The following PDE2A variants were observed in gnomAD, a reference collection of about 807,000 sequenced individuals.
PDE2A encodes phosphodiesterase 2A, also known as cGMP-dependent 3',5'-cyclic phosphodiesterase.
Under a neutral mutation model 133.6 loss-of-function variants are expected in PDE2A, and 53 were observed. That is an observed-to-expected ratio of 0.40 (90% CI 0.32 to 0.50). The LOEUF is 0.50. Among genes scored for constraint, PDE2A ranks in the 20% least tolerant of loss-of-function variants. The pLI, the probability that PDE2A is intolerant of heterozygous loss-of-function variation, is 0.73. For synonymous variants in PDE2A, 491 were observed against 490.2 expected (o/e 1.00, Z -0.02); for missense variants, 796 against 1,232.4 (o/e 0.65, Z 5.30).
intron 1 of PDE2A, among the ~76,000 whole-genome samples, chr11:72,656,332 C>G (rs1032647863): frequency 2.6e-5 from 4 of 152,208 alleles, no homozygotes; most frequent in Non-Finnish European, 4.4e-5. Flanking sequence ...GGCCCAATAT[C>G]AGGCCCCAGG....
rs937039689 is a variant in PDE2A at position 72,625,815 on chromosome 11, C to T, written c.144+16439G>A. Among the ~76,000 whole-genome samples the T allele has an allele frequency of 2.0e-5, 3 of 152,244 alleles. No individual in the cohort carries two copies. The South Asian group carries it at 6.2e-4, about 31-fold the overall frequency. On this transcript the variant is annotated intron_variant, in intron 2 of 30. Transcript: ENST00000334456. ...CAAGGGCGCTGCCAAGCTCCCTCTC[C>T]TCCTGCCCCAGCCGGTCTGCAGGAA...
chr11:72,580,800 G>T, intron 24 of PDE2A, 86 bp downstream of exon 24: 1 of 1,008,678 alleles, frequency 9.9e-7, no homozygotes, highest in Non-Finnish European at 1.6e-6. Flanking sequence ...GGTCTCACTC[G>T]CTCCCACCCA....
intron 1 of PDE2A, among the ~76,000 whole-genome samples, chr11:72,659,706 G>A (rs1276183848): frequency 6.6e-6 from 1 of 152,040 alleles, no homozygotes; most frequent in Middle Eastern, 3.2e-3. Context: ...GGACCATCTT[G>A]GCCAGCCCCT....
At chr11:72,581,845 C>T (rs750722264) in intron 22 of PDE2A, 32 bp downstream of exon 22, 52 of 1,603,104 alleles carry the variant, frequency 3.2e-5, no homozygotes, top group South Asian at 5.5e-5. Context: ...AAGAGGGAGG[C>T]GAAGACTGGG....
intron 13 of PDE2A, among the ~76,000 whole-genome samples, chr11:72,586,602 C>T (rs1471702650): frequency 6.6e-6 from 1 of 152,208 alleles, no homozygotes; most frequent in Non-Finnish European, 1.5e-5. Context: ...GGCCCTGATT[C>T]GGTGCCTCCA....
chr11:72,588,320 G>C (rs921790940), intron 13 of PDE2A, among the ~76,000 whole-genome samples: 7 of 152,098 alleles, frequency 4.6e-5, no homozygotes, highest in African/African-American at 1.7e-4. Context: ...CCTGTCCACT[G>C]TGCCCTGCCC....
At chr11:72,583,406 G>C (rs374787686) in intron 20 of PDE2A, 32 bp downstream of exon 20, 1 of 1,488,508 alleles carries the variant, frequency 6.7e-7, no homozygotes. Context: ...GGGGAATCTG[G>C]GAGGAGGACC....
At chr11:72,579,692 G>A (rs902106702) in intron 25 of PDE2A, 84 bp from the exon 26 acceptor site, 34 of 938,236 alleles carry the variant, frequency 3.6e-5, no homozygotes, top group Admixed American at 1.9e-4. Context: ...CAGGGGCCTC[G>A]TCCAGCTCCA....
intron 6 of PDE2A, among the ~76,000 whole-genome samples, chr11:72,592,497 A>C (rs527654141): frequency 6.6e-5 from 10 of 152,262 alleles, no homozygotes; most frequent in African/African-American, 2.4e-4. Flanking sequence ...CTGAGGAAGG[A>C]GAGAGAAAAC....
At chr11:72,582,337 C>T (rs774930607) in intron 21 of PDE2A, 107 bp downstream of exon 21, 95 of 1,166,456 alleles carry the variant, frequency 8.1e-5, no homozygotes, top group Admixed American at 3.7e-4. Flanking sequence ...CCTCCACAGC[C>T]TTCCTTGATG....
intron 3 of PDE2A, among the ~76,000 whole-genome samples, chr11:72,606,568 G>A (rs980754762): frequency 2.6e-5 from 4 of 152,224 alleles, no homozygotes; most frequent in African/African-American, 9.6e-5. Context: ...TGAAGGGAGT[G>A]AGAGGGGCAG....
In PDE2A at chr11:72,577,301, G is replaced by T; in HGVS notation, c.*83C>A. The T allele has an allele frequency of 9.6e-7, 1 of 1,042,798 alleles. No homozygotes were observed. Among genetic ancestry groups the T allele is most frequent in the Non-Finnish European group, 1.4e-6 (1 of 696,414 alleles). 64.6% of individuals were successfully genotyped at this position (1,042,798 alleles called of 1,614,324 possible). A position where few individuals can be genotyped will look rare whatever the true frequency, so the allele number is the denominator to read the frequency against. Reference sequence around the variant, plus strand: ...AGTCCTGGTCTAGGACCCAGGACCCGTGGCTCTGTTCCCAGTGCATCTGGC... The same window carrying T: ...AGTCCTGGTCTAGGACCCAGGACCCTTGGCTCTGTTCCCAGTGCATCTGGC... On this transcript the variant is annotated 3_prime_UTR_variant, in exon 31 of 31. Coordinates refer to ENST00000334456, the MANE Select transcript of PDE2A (RefSeq NM_002599.5).
At chr11:72,609,048 T>C (rs1323344782) in intron 2 of PDE2A, among the ~76,000 whole-genome samples, 2 of 152,252 alleles carry the variant, frequency 1.3e-5, no homozygotes, top group Non-Finnish European at 2.9e-5. Context: ...TCTTGTTCTC[T>C]AGTCGAGGAC....
intron 1 of PDE2A, among the ~76,000 whole-genome samples, chr11:72,655,409 C>T (rs773155431): frequency 2.0e-5 from 3 of 152,232 alleles, no homozygotes; most frequent in Non-Finnish European, 4.4e-5. Flanking sequence ...ATTCTCCTCA[C>T]TCCTCAAGAA....
At chr11:72,580,856 G>A (rs878877306) in intron 24 of PDE2A, 30 bp downstream of exon 24, 7 of 1,346,182 alleles carry the variant, frequency 5.2e-6, no homozygotes, top group South Asian at 4.7e-5. Flanking sequence ...CCCATGGAGG[G>A]TCCCCACTGT....
At chr11:72,580,428 A>G (rs1855669330) in intron 25 of PDE2A, 149 bp downstream of exon 25, 2 of 692,056 alleles carry the variant, frequency 2.9e-6, no homozygotes, top group East Asian at 5.4e-5. Context: ...CCACTCCAGG[A>G]AAATGAGCCA....
chr11:72,584,819 C>G (rs1368032610), intron 17 of PDE2A, 53 bp downstream of exon 17: 3 of 1,610,032 alleles, frequency 1.9e-6, no homozygotes, highest in Non-Finnish European at 2.5e-6. Context: ...CCAGCGCCGC[C>G]GGCGGACTCC....
chr11:72,610,475 C>T (rs985898075), intron 2 of PDE2A, among the ~76,000 whole-genome samples: 7 of 152,140 alleles, frequency 4.6e-5, no homozygotes, highest in Admixed American at 3.3e-4. Context: ...ACTCCTGGGT[C>T]TTCTTGGCTG....
intron 2 of PDE2A, among the ~76,000 whole-genome samples, chr11:72,629,665 C>T (rs1426658209): frequency 6.6e-6 from 1 of 152,208 alleles, no homozygotes; most frequent in Non-Finnish European, 1.5e-5. Flanking sequence ...TGTGCTGAGC[C>T]CCTCCTGTGC....
Sources: gnomAD v4.1 joint callset for allele counts (sites outside exome capture counted in the v4.1 genomes callset) on GRCh38, gnomAD v4.1.1 for gene constraint, MANE v1.5 for transcripts, NCBI Gene and HGNC (gene_info 2026-07-23, HGNC 2026-07-21) for gene names.